Variants in RGS6 observed in about 807,000 individuals in gnomAD.
The protein encoded by RGS6 is regulator of G-protein signaling 6.
A neutral mutation model predicts 78.5 loss-of-function variants in RGS6; 30 were observed. The ratio of observed to expected loss-of-function variants is 0.38; its 90% CI spans 0.29 to 0.52. RGS6 has a LOEUF of 0.52. Ranked by LOEUF, RGS6 falls within the 20% of genes least tolerant of loss-of-function variation. The pLI is 0.85. For synonymous variants in RGS6, 206 were observed against 206.0 expected, an observed-to-expected ratio of 1.00 and a Z score of 0.00; for missense variants, 495 against 609.7, an observed-to-expected ratio of 0.81 and a Z score of 1.98.
intron 2 of RGS6, among the ~76,000 whole-genome samples, chr14:72,052,949 C>CTT (rs1387767043): frequency 5.3e-4 from 19 of 36,094 alleles, no homozygotes; most frequent in Admixed American, 3.3e-3. Flanking sequence ...TTCTTTCTTT[C>CTT]TTTCTTTCTT....
chr14:72,168,841 A>G (rs113245782), intron 2 of RGS6, among the ~76,000 whole-genome samples: 2 of 152,186 alleles, frequency 1.3e-5, no homozygotes, highest in Non-Finnish European at 2.9e-5. Context: ...GTGGAGTCCC[A>G]GGCAGGAGCC....
chr14:72,151,014 G>A (rs1228399899), intron 2 of RGS6, among the ~76,000 whole-genome samples: 2 of 152,208 alleles, frequency 1.3e-5, no homozygotes, highest in African/African-American at 4.8e-5. Context: ...GGAATGGTGA[G>A]ACACATATTA....
intron 2 of RGS6, among the ~76,000 whole-genome samples, chr14:72,240,433 G>T (rs1326693181): frequency 1.3e-5 from 2 of 152,098 alleles, no homozygotes; most frequent in African/African-American, 4.8e-5. Flanking sequence ...TTTACTGAGG[G>T]CACACAGCAC....
At chr14:72,193,078 C>T (rs2097348715) in intron 2 of RGS6, among the ~76,000 whole-genome samples, 3 of 151,946 alleles carry the variant, frequency 2.0e-5, no homozygotes, top group South Asian at 4.2e-4. Context: ...CTGCAACCTC[C>T]GCCTCCTGAG....
chr14:72,195,037 G>A (rs1172991701), intron 2 of RGS6, among the ~76,000 whole-genome samples: 2 of 152,008 alleles, frequency 1.3e-5, no homozygotes, highest in Non-Finnish European at 2.9e-5. Flanking sequence ...GCGAAACCCC[G>A]TGTCTGCTAA....
chr14:72,347,315 A>T (rs984505011), intron 2 of RGS6, among the ~76,000 whole-genome samples: 7 of 152,198 alleles, frequency 4.6e-5, no homozygotes, highest in African/African-American at 1.4e-4. Flanking sequence ...GTGGAAGATA[A>T]ATCTAACCAA....
rs1325618659 is a variant in RGS6, at chr14:72,472,805, G to C, written c.537-67G>C. The stretch of plus-strand genomic sequence containing the variant: ...CCCCTAGCAACAGGAGCAAACGCTG[G>C]AGCAAGTGTCAGAAGGGAAAACAGA... On this transcript the variant is annotated intron_variant, in intron 8 of 17. Coordinates refer to ENST00000553525, the MANE Select transcript of RGS6 (RefSeq NM_001204424.2). The C allele has an allele frequency of 5.0e-6, 6 of 1,190,900 alleles. No homozygotes were observed. The African/African-American group carries it at 9.2e-5, about 18-fold the overall frequency. The allele number at this position is 1,190,900 out of a possible 1,614,324, so 73.8% of individuals were successfully genotyped here.
chr14:72,108,029 G>A (rs2095670350), intron 2 of RGS6, among the ~76,000 whole-genome samples: 1 of 151,922 alleles, frequency 6.6e-6, no homozygotes, highest in East Asian at 1.9e-4. Context: ...AATGTTCTTA[G>A]TTTCATATAT....
chr14:72,166,147 T>G (rs569087000), intron 2 of RGS6, among the ~76,000 whole-genome samples: 220 of 150,426 alleles, frequency 1.5e-3, no homozygotes, highest in African/African-American at 4.2e-3. Flanking sequence ...CAGACTGACT[T>G]TGTTATTCCT....
chr14:72,288,524 C>T (rs1282501154), intron 2 of RGS6, among the ~76,000 whole-genome samples: 3 of 152,150 alleles, frequency 2.0e-5, no homozygotes, highest in African/African-American at 7.2e-5. Flanking sequence ...AGTAGTCTGT[C>T]AGAGTTTGCC....
chr14:72,335,835 G>A (rs912654927), intron 2 of RGS6, among the ~76,000 whole-genome samples: 1 of 152,076 alleles, frequency 6.6e-6, no homozygotes, highest in Non-Finnish European at 1.5e-5. Flanking sequence ...TAAGATATTC[G>A]GGAAGAAGAT....
chr14:71,911,303 C>T, the RGS6 span, among the ~76,000 whole-genome samples: 2 of 152,206 alleles, frequency 1.3e-5, no homozygotes, highest in African/African-American at 4.8e-5. Context: ...AACCATCACA[C>T]TTCTTTATTT....
chr14:71,990,457 T>C, intron 2 of RGS6: 2 of 373,906 alleles, frequency 5.3e-6, no homozygotes, highest in South Asian at 2.0e-5. Context: ...TTTGTGTCCT[T>C]TGGGACATGG....
chr14:72,482,681 T>C (rs1046748859), intron 12 of RGS6, among the ~76,000 whole-genome samples: 7 of 152,302 alleles, frequency 4.6e-5, no homozygotes, highest in African/African-American at 1.7e-4. Context: ...TCCAGCAGAC[T>C]AGTTTGACCT....
chr14:72,073,110 T>G (rs1024752746), intron 2 of RGS6, among the ~76,000 whole-genome samples: 1 of 152,242 alleles, frequency 6.6e-6, no homozygotes, highest in Non-Finnish European at 1.5e-5. Context: ...ATGTGTGGCC[T>G]TAGTTAAGTT....
intron 2 of RGS6, among the ~76,000 whole-genome samples, chr14:72,129,061 G>T (rs1817581603): frequency 6.6e-6 from 1 of 152,142 alleles, no homozygotes; most frequent in African/African-American, 2.4e-5. Context: ...CGATCGTTTA[G>T]AAATCTTATT....
intron 14 of RGS6, among the ~76,000 whole-genome samples, 171 bp from the exon 15 acceptor site, chr14:72,518,180 C>T (rs1419278275): frequency 6.6e-6 from 1 of 152,194 alleles, no homozygotes; most frequent in Non-Finnish European, 1.5e-5. Flanking sequence ...CATAGGAACA[C>T]CTTTGATGTT....
chr14:72,131,879 G>A (rs1051881934), intron 2 of RGS6, among the ~76,000 whole-genome samples: 1 of 152,198 alleles, frequency 6.6e-6, no homozygotes, highest in African/African-American at 2.4e-5. Flanking sequence ...AGCCCACCAT[G>A]GGGCTAGGCT....
Position 72,472,918 on chromosome 14 carries a change from C to T in RGS6, c.583C>T (p.Gln195Ter). The T allele has an allele frequency of 6.2e-7, 1 of 1,613,268 alleles. No homozygotes were observed. The highest frequency in any genetic ancestry group is 8.5e-7 in the Non-Finnish European group (1 of 1,179,620). ...DKTERKILDS[Q>*]ERAFWDVHRP... ...GACAGAAAGGAAAATTTTGGATAGT[C>T]AAGAACGAGCCTTTTGGGATGTCCA... Residue 195 changes from glutamine (Q) to a stop codon, truncating the protein, a stop_gained, in exon 9 of 18, where the codon CAA (glutamine) becomes TAA (stop). Coordinates refer to ENST00000553525, the MANE Select transcript of RGS6 (RefSeq NM_001204424.2). LOFTEE classifies it high-confidence loss of function.
Sources: allele counts gnomAD v4.1 joint callset (sites outside exome capture counted in the v4.1 genomes callset), GRCh38; gene constraint gnomAD v4.1.1; transcripts MANE v1.5; gene names NCBI Gene and HGNC (gene_info 2026-07-23, HGNC 2026-07-21).